ZBTB16: variants seen among roughly 807,000 people sequenced by gnomAD.
ZBTB16 encodes zinc finger and BTB domain-containing protein 16.
A neutral mutation model predicts 56.8 loss-of-function variants in ZBTB16; 8 were observed. The ratio of observed to expected loss-of-function variants is 0.14; its 90% CI spans 0.08 to 0.25. The LOEUF (loss-of-function observed/expected upper bound fraction) is 0.25. Ranked by LOEUF, ZBTB16 falls within the 10% of genes least tolerant of loss-of-function variation. ZBTB16 has a pLI of 1.00. For synonymous variants in ZBTB16, 363 were observed against 368.5 expected, an observed-to-expected ratio of 0.98 and a Z score of 0.17; for missense variants, 625 against 903.0, an observed-to-expected ratio of 0.69 and a Z score of 3.95.
Position 114,089,006 on chromosome 11 carries a change from G to T in ZBTB16, c.1268+24438G>T, listed in dbSNP as rs1940075329. ...CACAGGGTGACCACGAGCAAGGCCT[G>T]GGGACGAGGACTACGAGGCCTGCAG... On this transcript the variant is annotated intron_variant, in intron 2 of 6. Transcript: ENST00000335953. 2.6e-5 allele frequency among the ~76,000 whole-genome samples: 4 copies of T among 152,314 alleles called. No individual in the cohort carries two copies. The South Asian group carries it at 8.3e-4, about 32-fold the overall frequency.
chr11:114,088,588 T>C (rs1206545890), intron 2 of ZBTB16, among the ~76,000 whole-genome samples: 3 of 152,132 alleles, frequency 2.0e-5, no homozygotes, highest in African/African-American at 7.2e-5. Flanking sequence ...ACATCATAGG[T>C]ATTCAGTACC....
intron 2 of ZBTB16, among the ~76,000 whole-genome samples, chr11:114,087,196 C>T (rs1359605566): frequency 1.3e-5 from 2 of 152,212 alleles, no homozygotes. Context: ...CTGTTGAAAC[C>T]GTGACCCTCT....
intron 2 of ZBTB16, among the ~76,000 whole-genome samples, chr11:114,152,845 G>A (rs562719432): frequency 6.6e-4 from 100 of 152,274 alleles, no homozygotes; most frequent in African/African-American, 2.4e-3. Flanking sequence ...AATCTCAGAT[G>A]GCCACGTGCA....
intron 5 of ZBTB16, 142 bp downstream of exon 5, chr11:114,242,479 G>A (rs889296083): frequency 7.8e-5 from 96 of 1,227,318 alleles, no homozygotes; most frequent in Middle Eastern, 2.6e-4. Flanking sequence ...GAGGCTGCCC[G>A]TCGTGCAGGT....
intron 2 of ZBTB16, among the ~76,000 whole-genome samples, chr11:114,094,996 G>C (rs1438406903): frequency 6.6e-6 from 1 of 152,354 alleles, no homozygotes; most frequent in Admixed American, 6.5e-5. Flanking sequence ...CATAGAAGCT[G>C]GGGGCCTGTC....
At chr11:114,245,813 A>G (rs1397216748) in intron 5 of ZBTB16, among the ~76,000 whole-genome samples, 3 of 152,216 alleles carry the variant, frequency 2.0e-5, no homozygotes, top group African/African-American at 7.2e-5. Context: ...GCAGAGGGAC[A>G]AGTGAAATAC....
In ZBTB16 at chr11:114,249,787, AAAG is replaced by A. The variant is rs1281648458; in HGVS notation, c.1793-537_1793-535del. On this transcript the variant is annotated intron_variant, in intron 6 of 6. Transcript: ENST00000335953. ...ACTCCGTCTCAAAAAAAAAAAAAAA[AAAG>A]AGAGCTTTAGCAGGATAGGTGTCCC... 2.7e-5 allele frequency among the ~76,000 whole-genome samples: 4 copies of A among 148,690 alleles called. 1 individual carries two copies. Among genetic ancestry groups the A allele is most frequent in the African/African-American group, 4.9e-5 (2 of 40,434 alleles).
chr11:114,061,128 C>T (rs764820712), intron 1 of ZBTB16, among the ~76,000 whole-genome samples: 62 of 151,636 alleles, frequency 4.1e-4, no homozygotes, highest in Non-Finnish European at 3.2e-4. Context: ...CTCCAAGTCT[C>T]GGTGGGGGTC....
intron 2 of ZBTB16, among the ~76,000 whole-genome samples, chr11:114,124,451 A>G (rs1201133601): frequency 6.6e-6 from 1 of 151,264 alleles, no homozygotes; most frequent in Non-Finnish European, 1.5e-5. Context: ...AACAAGGTCC[A>G]GAATTGAGGT....
At chr11:114,085,039 G>A (rs1043476153) in intron 2 of ZBTB16, among the ~76,000 whole-genome samples, 31 of 152,232 alleles carry the variant, frequency 2.0e-4, no homozygotes, top group African/African-American at 7.2e-4. Flanking sequence ...ATTGAGTGGA[G>A]TGTGTAGTGA....
chr11:114,196,402 G>A (rs76110852), intron 4 of ZBTB16, among the ~76,000 whole-genome samples: 2 of 32,402 alleles, frequency 6.2e-5, no homozygotes, highest in Admixed American at 2.4e-4. Flanking sequence ...GAAAAAAGAG[G>A]CAAGGTCATT....
At chr11:114,081,906 G>A (rs190420186) in intron 2 of ZBTB16, among the ~76,000 whole-genome samples, 1 of 152,190 alleles carries the variant, frequency 6.6e-6, no homozygotes, top group East Asian at 1.9e-4. Flanking sequence ...GAAGAATGGA[G>A]AGAAAATGAG....
At chr11:114,196,612 T>C (rs1943617939) in intron 4 of ZBTB16, among the ~76,000 whole-genome samples, 1 of 152,140 alleles carries the variant, frequency 6.6e-6, no homozygotes, top group African/African-American at 2.4e-5. Context: ...TATCCTGTAG[T>C]TCCTTCATTT....
In ZBTB16 at chr11:114,250,375, C is replaced by T. The variant is rs1159629212; in HGVS notation, c.1842C>T (p.Tyr614=). The T allele has an allele frequency of 1.2e-6, 2 of 1,613,888 alleles. No homozygotes were observed. The change falls in exon 7 of 7, where the codon TAC becomes TAT. Residue 614 remains tyrosine, a synonymous_variant. Coordinates refer to ENST00000335953, the MANE Select transcript of ZBTB16 (RefSeq NM_006006.6). The surrounding 1 kb of genome is among the most constrained non-coding windows in gnomAD (Gnocchi z 6.0). ...CKLCHQRSRD[Y]SAMIKHLRTH... Reference sequence around the variant, plus strand: ...TCTGCCACCAGCGCTCCCGGGACTACTCGGCCATGATCAAGCACCTGAGAA... The same window carrying T: ...TCTGCCACCAGCGCTCCCGGGACTATTCGGCCATGATCAAGCACCTGAGAA...
rs964117892 is a variant in ZBTB16, at chr11:114,255,572, G to C, written c.*5017G>C. Among the ~76,000 whole-genome samples, 1 of 147,756 alleles carries C rather than the reference G, an allele frequency of 6.8e-6. No homozygotes were observed. The highest frequency in any genetic ancestry group is 1.5e-5 in the Non-Finnish European group (1 of 67,278). ...TGCCCCCTCCCCAGCCCACTTCCCC[G>C]AGTTGTGCTTGCCGCTCCTTATCTG... On this transcript the variant is annotated 3_prime_UTR_variant, in exon 7 of 7. Transcript: ENST00000335953.
chr11:114,215,606 G>A (rs998572200), intron 4 of ZBTB16, among the ~76,000 whole-genome samples: 2 of 152,208 alleles, frequency 1.3e-5, no homozygotes, highest in Non-Finnish European at 2.9e-5. Context: ...GAGCTTTACA[G>A]CCGCAGCAGC....
chr11:114,077,711 C>T (rs1404134062), intron 2 of ZBTB16, among the ~76,000 whole-genome samples: 1 of 152,190 alleles, frequency 6.6e-6, no homozygotes, highest in Non-Finnish European at 1.5e-5. Context: ...TCCTGACACA[C>T]CTGCCCCTCC....
chr11:114,101,432 A>G, intron 2 of ZBTB16, among the ~76,000 whole-genome samples: 1 of 152,182 alleles, frequency 6.6e-6, no homozygotes, highest in East Asian at 1.9e-4. Flanking sequence ...CTTTGGGGCC[A>G]TAGAAGTATG....
chr11:114,069,406 A>G (rs1329698452), intron 2 of ZBTB16, among the ~76,000 whole-genome samples: 1 of 152,156 alleles, frequency 6.6e-6, no homozygotes, highest in East Asian at 1.9e-4. Context: ...TCTTGAAGGG[A>G]TTCTCAGGAA....
Sources: allele counts gnomAD v4.1 joint callset (sites outside exome capture counted in the v4.1 genomes callset), GRCh38; gene constraint gnomAD v4.1.1; non-coding constraint Gnocchi (gnomAD v3.1); transcripts MANE v1.5; gene names NCBI Gene and HGNC (gene_info 2026-07-23, HGNC 2026-07-21).